Variants in GALNT2 observed in about 807,000 individuals in gnomAD.
The protein encoded by GALNT2 is UDP-GalNAc:polypeptide N-acetylgalactosaminyltransferase 2.
A neutral mutation model predicts 81.4 loss-of-function variants in GALNT2; 31 were observed. The ratio of observed to expected loss-of-function variants is 0.38; its 90% confidence interval spans 0.29 to 0.51. The LOEUF (loss-of-function observed/expected upper bound fraction) is 0.51. Among genes scored for constraint, GALNT2 ranks in the 20% least tolerant of loss-of-function variants. The pLI, the probability that GALNT2 is intolerant of heterozygous loss-of-function variation, is 0.87. For missense variants in GALNT2, 629 were observed against 765.7 expected (o/e 0.82, Z 2.11); for synonymous variants, 303 against 287.4 (o/e 1.05, Z -0.55).
chr1:230,192,458 G>A, intron 2 of GALNT2, among the ~76,000 whole-genome samples: 1 of 152,086 alleles, frequency 6.6e-6, no homozygotes, highest in Non-Finnish European at 1.5e-5. Context: ...TGGGATTCTG[G>A]GCAGTAGATT....
chr1:230,266,393 C>A lies in GALNT2; in HGVS notation c.1440+1026C>A, dbSNP rs531529494. 6.6e-5 allele frequency among the ~76,000 whole-genome samples: 10 copies of A among 152,312 alleles called. No homozygotes were observed. The South Asian group carries it at 1.7e-3, about 25-fold the overall frequency. ...AGGGTAATCCTGTGTGCTCTTACCC[C>A]CTTCCTGAAAACTTGCCTGGCACTG... is the stretch of plus-strand genomic sequence containing the variant. On this transcript the variant is annotated intron_variant, in intron 14 of 15. Transcript: ENST00000366672.
chr1:230,146,613 G>A (rs965077634), intron 1 of GALNT2, among the ~76,000 whole-genome samples: 6 of 152,152 alleles, frequency 3.9e-5, no homozygotes, highest in Non-Finnish European at 7.3e-5. Flanking sequence ...GAGCAAACTC[G>A]GCTCTCAGGG....
chr1:230,127,990 T>C (rs12046567), intron 1 of GALNT2, among the ~76,000 whole-genome samples: 38,544 of 144,622 alleles, frequency 0.27, 5,244 homozygotes, highest in East Asian at 0.42. Context: ...AAGGGCTGTG[T>C]GGGGGATGCA....
At chr1:230,278,855 C>T (rs1666363019) in intron 15 of GALNT2, among the ~76,000 whole-genome samples, 1 of 152,232 alleles carries the variant, frequency 6.6e-6, no homozygotes, top group Non-Finnish European at 1.5e-5. Flanking sequence ...CAGACCAAGG[C>T]CTCCAGGCAG....
At chr1:230,147,095 G>T (rs762155898) in intron 1 of GALNT2, among the ~76,000 whole-genome samples, 1 of 152,120 alleles carries the variant, frequency 6.6e-6, no homozygotes, top group Non-Finnish European at 1.5e-5. Flanking sequence ...GGCAGTGTCT[G>T]CATATCTGGC....
intron 1 of GALNT2, among the ~76,000 whole-genome samples, chr1:230,146,219 C>T (rs934429946): frequency 9.9e-5 from 15 of 152,152 alleles, no homozygotes; most frequent in African/African-American, 3.6e-4. Context: ...TATTTTTCCC[C>T]TCCCTTTTCA....
chr1:230,251,280 G>A (rs968407808), intron 10 of GALNT2, among the ~76,000 whole-genome samples: 1 of 152,152 alleles, frequency 6.6e-6, no homozygotes, highest in Non-Finnish European at 1.5e-5. Flanking sequence ...GGGCTGCTGA[G>A]TGTTGTTAAC....
chr1:230,185,301 T>TGTGCGC (rs58770415), intron 2 of GALNT2, among the ~76,000 whole-genome samples: 3 of 126,122 alleles, frequency 2.4e-5, no homozygotes, highest in South Asian at 5.8e-4. Flanking sequence ...TGTGTGTGTG[T>TGTGCGC]GCGCGCGTGT....
chr1:230,171,940 A>G (rs1662807514), intron 1 of GALNT2, among the ~76,000 whole-genome samples: 1 of 151,948 alleles, frequency 6.6e-6, no homozygotes, highest in Non-Finnish European at 1.5e-5. Context: ...GTCCCACACA[A>G]ATGACTGGCT....
intron 1 of GALNT2, among the ~76,000 whole-genome samples, chr1:230,068,047 G>C (rs936744783): frequency 2.0e-5 from 3 of 152,196 alleles, no homozygotes; most frequent in African/African-American, 7.2e-5. Flanking sequence ...GTTCCCTTGC[G>C]GCCCCAGCGT....
At chr1:230,216,854 T>C (rs1306709678) in intron 3 of GALNT2, among the ~76,000 whole-genome samples, 1 of 152,236 alleles carries the variant, frequency 6.6e-6, no homozygotes, top group Non-Finnish European at 1.5e-5. Flanking sequence ...GAATAAGCCA[T>C]GATTTTCTTC....
intron 14 of GALNT2, among the ~76,000 whole-genome samples, chr1:230,267,133 T>A (rs569696325): frequency 6.6e-6 from 1 of 152,264 alleles, no homozygotes; most frequent in Non-Finnish European, 1.5e-5. Flanking sequence ...TGCTTCTTTC[T>A]TCTTTTTCTG....
At chr1:230,162,667 T>C (rs753966912) in intron 1 of GALNT2, among the ~76,000 whole-genome samples, 6 of 152,202 alleles carry the variant, frequency 3.9e-5, no homozygotes, top group African/African-American at 1.2e-4. Context: ...GCTATGTAAA[T>C]ACTGTTTATA....
chr1:230,153,526 G>A (rs1325668548), intron 1 of GALNT2, among the ~76,000 whole-genome samples: 5 of 152,168 alleles, frequency 3.3e-5, no homozygotes, highest in African/African-American at 4.8e-5. Flanking sequence ...GTAGAAGCAA[G>A]CATTACAGTG....
At chr1:230,277,958 G>C (rs935728982) in intron 15 of GALNT2, among the ~76,000 whole-genome samples, 1 of 152,034 alleles carries the variant, frequency 6.6e-6, no homozygotes, top group African/African-American at 2.4e-5. Flanking sequence ...AAAATACTTA[G>C]GTGAAGGAGC....
chr1:230,146,515 G>C (rs1572017681), intron 1 of GALNT2, among the ~76,000 whole-genome samples: 1 of 152,168 alleles, frequency 6.6e-6, no homozygotes, highest in Admixed American at 6.5e-5. Context: ...GCTCAGAAAA[G>C]CCTGCTTGGG....
intron 1 of GALNT2, among the ~76,000 whole-genome samples, chr1:230,122,092 C>T (rs1456516593): frequency 1.3e-5 from 2 of 151,714 alleles, no homozygotes; most frequent in Non-Finnish European, 2.9e-5. Flanking sequence ...GTTCACCCTT[C>T]CTCCTGAGCG....
chr1:230,214,652 A>G (rs965644551), intron 3 of GALNT2, among the ~76,000 whole-genome samples: 3 of 151,592 alleles, frequency 2.0e-5, no homozygotes, highest in African/African-American at 7.3e-5. Flanking sequence ...CTTGTGCTGA[A>G]CCTGTTTGGG....
intron 3 of GALNT2, among the ~76,000 whole-genome samples, chr1:230,210,118 T>C (rs1413206270): frequency 2.0e-5 from 3 of 152,154 alleles, no homozygotes; most frequent in Non-Finnish European, 4.4e-5. Context: ...GTTTCCGGGA[T>C]CCAAACTCCT....
Sources: gnomAD v4.1 joint callset for allele counts (sites outside exome capture counted in the v4.1 genomes callset) on GRCh38, gnomAD v4.1.1 for gene constraint, MANE v1.5 for transcripts, NCBI Gene and HGNC (gene_info 2026-07-23, HGNC 2026-07-21) for gene names.